The following ICA1L variants were observed in gnomAD, a reference collection of about 807,000 sequenced individuals.
ICA1L encodes the protein islet cell autoantigen 1-like protein.
In ICA1L, 50 loss-of-function variants were observed where a neutral mutation model predicts 61.3. The ratio of observed to expected loss-of-function variants is 0.82; its 90% CI spans 0.65 to 1.03. The LOEUF is 1.03. Among genes scored for constraint, ICA1L ranks in the 50% least tolerant of loss-of-function variants. The pLI, the probability that ICA1L is intolerant of heterozygous loss-of-function variation, is 0.00. For synonymous variants in ICA1L, 161 were observed against 191.3 expected, an observed-to-expected ratio of 0.84 and a Z score of 1.31; for missense variants, 508 against 556.7, an observed-to-expected ratio of 0.91 and a Z score of 0.88.
intron 12 of ICA1L, among the ~76,000 whole-genome samples, chr2:202,785,563 G>A (rs1187534672): frequency 6.6e-6 from 1 of 152,130 alleles, no homozygotes; most frequent in African/African-American, 2.4e-5. Flanking sequence ...GGGACTACAG[G>A]TGCCCGCCAC....
chr2:202,808,577 C>T, intron 9 of ICA1L, among the ~76,000 whole-genome samples: 1 of 152,196 alleles, frequency 6.6e-6, no homozygotes. Flanking sequence ...TTGTTTCCTG[C>T]TGATGGTAGA....
chr2:202,845,558 C>T (rs1324560928), intron 1 of ICA1L, among the ~76,000 whole-genome samples: 8 of 150,622 alleles, frequency 5.3e-5, no homozygotes, highest in South Asian at 4.2e-4. Flanking sequence ...ACCCGGGAAG[C>T]GGAGGCTGAA....
chr2:202,787,577 C>T (rs1692626210), intron 11 of ICA1L, among the ~76,000 whole-genome samples: 1 of 152,196 alleles, frequency 6.6e-6, no homozygotes, highest in Non-Finnish European at 1.5e-5. Flanking sequence ...GATTATTTAA[C>T]ATTTAGTTTA....
At chr2:202,797,132 TTGTG>T (rs58006631) in intron 9 of ICA1L, among the ~76,000 whole-genome samples, 168 bp from the exon 10 acceptor site, 5,753 of 147,778 alleles carry the variant, frequency 0.039, 354 homozygotes, top group African/African-American at 0.13. Context: ...AAAATCACAT[TTGTG>T]TGTGTGTGTG....
intron 2 of ICA1L, among the ~76,000 whole-genome samples, chr2:202,826,213 AAAT>A (rs1223639408): frequency 1.3e-5 from 2 of 152,184 alleles, no homozygotes; most frequent in Non-Finnish European, 2.9e-5. Context: ...TATAAAAATT[AAAT>A]AATGTATTAT....
At chr2:202,779,809 T>G (rs994225955) in intron 12 of ICA1L, among the ~76,000 whole-genome samples, 161 bp from the exon 13 acceptor site, 14 of 151,384 alleles carry the variant, frequency 9.2e-5, no homozygotes, top group African/African-American at 3.4e-4. Context: ...ATTTTTTTTT[T>G]TTTTTTTTGT....
At chr2:202,839,782 C>G (rs1397984888) in intron 1 of ICA1L, among the ~76,000 whole-genome samples, 10 of 151,724 alleles carry the variant, frequency 6.6e-5, no homozygotes, top group Non-Finnish European at 1.5e-5. Context: ...TCCTTTCATG[C>G]CTTCTTCCTT....
intron 1 of ICA1L, chr2:202,841,502 T>C: frequency 1.3e-6 from 1 of 753,010 alleles, no homozygotes; most frequent in Non-Finnish European, 2.4e-6. Flanking sequence ...GTCCTTCTCC[T>C]GGGTGCACAC....
chr2:202,798,023 C>T (rs1307645465), intron 9 of ICA1L, among the ~76,000 whole-genome samples: 1 of 152,120 alleles, frequency 6.6e-6, no homozygotes, highest in African/African-American at 2.4e-5. Flanking sequence ...TAAGTGAGAT[C>T]ATGTGGTATT....
intron 9 of ICA1L, among the ~76,000 whole-genome samples, chr2:202,810,243 G>A (rs904972963): frequency 3.9e-5 from 6 of 152,218 alleles, no homozygotes; most frequent in Middle Eastern, 3.2e-3. Flanking sequence ...TATATCCAGC[G>A]AAAATATCCT....
rs80134434 is a variant in ICA1L, at chr2:202,847,695, T to TTATATATATATATA, written c.-7-18693_-7-18680dup. On this transcript the variant is annotated intron_variant, in intron 1 of 12. Coordinates refer to ENST00000358299, the MANE Select transcript of ICA1L (RefSeq NM_001288622.3). ...CTTAGAATGAAATATTATATGGGAA[T>TTATATATATATATA]TATATATATATATAGTTAAGCAGTG... Among the ~76,000 whole-genome samples, 25 of 102,230 alleles carry TTATATATATATATA rather than the reference T, an allele frequency of 2.4e-4. 1 individual carries two copies. The highest frequency in any genetic ancestry group is 4.7e-4 in the African/African-American group (11 of 23,302). The allele number at this position is 102,230 out of a possible 152,430, so 67.1% of individuals were successfully genotyped here. A position where few individuals can be genotyped will look rare whatever the true frequency, so the allele number is the denominator to read the frequency against.
At chr2:202,792,042 C>T (rs1243343678) in intron 10 of ICA1L, among the ~76,000 whole-genome samples, 2 of 151,986 alleles carry the variant, frequency 1.3e-5, no homozygotes, top group African/African-American at 4.8e-5. Flanking sequence ...GTGGCACATG[C>T]CTCTAATCCC....
chr2:202,847,146 G>A (rs1247386521), intron 1 of ICA1L, among the ~76,000 whole-genome samples: 1 of 152,182 alleles, frequency 6.6e-6, no homozygotes, highest in Non-Finnish European at 1.5e-5. Flanking sequence ...TAAACACAGA[G>A]AGTTCAGAAC....
At position 202,851,159 on chromosome 2, in the gene ICA1L, C is replaced by T. The variant is rs887285472; in HGVS notation, c.-8+20460G>A. On this transcript the variant is annotated intron_variant, in intron 1 of 12. Transcript: ENST00000358299. The stretch of plus-strand genomic sequence containing the variant: ...TATATCTCCTAATGCTATCCCTCCC[C>T]ACTCCCCCCACCCCACAACAGGCCC... 4.0e-5 allele frequency among the ~76,000 whole-genome samples: 6 copies of T among 151,672 alleles called. No homozygotes were observed. In the South Asian group the frequency reaches 6.3e-4, roughly 16 times the overall value.
In ICA1L at chr2:202,819,737, G is replaced by A. The variant is rs746975341; in HGVS notation, c.522C>T (p.Asp174=). The A allele has an allele frequency of 6.2e-7, 1 of 1,613,952 alleles. No homozygotes were observed. The highest frequency in any genetic ancestry group is 1.1e-5 in the South Asian group (1 of 91,068). ...TTTCCATTTGCTTTAAGGTGTCTGG[G>A]TCCAGCTCTTGGGATACATCTTTCA... The part of the protein sequence containing the change: ...LWMKDVSQEL[D]PDTLKQMEKF... The change falls in exon 5 of 13, where the codon GAC becomes GAT. Residue 174 remains aspartate, a synonymous_variant. Coordinates refer to ENST00000358299, the MANE Select transcript of ICA1L (RefSeq NM_001288622.3).
intron 8 of ICA1L, among the ~76,000 whole-genome samples, chr2:202,812,085 A>G (rs1693394757): frequency 6.6e-6 from 1 of 152,190 alleles, no homozygotes; most frequent in Non-Finnish European, 1.5e-5. Flanking sequence ...TAGAGTAAGA[A>G]GTTTCATTTT....
At chr2:202,868,331 T>C (rs541847193) in intron 1 of ICA1L, among the ~76,000 whole-genome samples, 3 of 152,208 alleles carry the variant, frequency 2.0e-5, no homozygotes, top group South Asian at 2.1e-4. Flanking sequence ...AACACCAAAA[T>C]TGGTGAGAAT....
intron 1 of ICA1L, among the ~76,000 whole-genome samples, chr2:202,860,956 A>T (rs1694893905): frequency 6.7e-6 from 1 of 149,674 alleles, no homozygotes; most frequent in Non-Finnish European, 1.5e-5. Context: ...CAGGCCAGAA[A>T]CAGTGGCCCA....
chr2:202,831,617 C>G (rs768523428), intron 1 of ICA1L, among the ~76,000 whole-genome samples: 1 of 152,144 alleles, frequency 6.6e-6, no homozygotes, highest in African/African-American at 2.4e-5. Context: ...CTCCTGTCCT[C>G]GCAACCACTC....
Sources: allele counts gnomAD v4.1 joint callset (sites outside exome capture counted in the v4.1 genomes callset), GRCh38; gene constraint gnomAD v4.1.1; transcripts MANE v1.5; gene names NCBI Gene and HGNC (gene_info 2026-07-23, HGNC 2026-07-21).